The following ARSF variants were observed in gnomAD, a reference collection of about 807,000 sequenced individuals.
ARSF encodes the protein arylsulfatase F.
In ARSF, 33 loss-of-function variants were observed where a neutral mutation model predicts 35.4. The observed-to-expected ratio is 0.93, with a 90% confidence interval of 0.71 to 1.25. The LOEUF (loss-of-function observed/expected upper bound fraction) is 1.25, where lower values mean the gene tolerates loss of function less well. Ranked by LOEUF, ARSF falls within the 50% of genes most tolerant of loss-of-function variation. ARSF has a pLI of 0.00. For missense variants in ARSF, 501 were observed against 480.2 expected (o/e 1.04, Z -0.40); for synonymous variants, 222 against 193.1 (o/e 1.15, Z -1.24).
intron 1 of ARSF, among the ~76,000 whole-genome samples, chrX:3,046,157 A>T (rs777649724): frequency 9.0e-6 from 1 of 111,705 alleles, no homozygotes; most frequent in African/African-American, 3.2e-5. Flanking sequence ...GAGTGCTGAG[A>T]TTACAGGCGT....
chrX:3,073,840 A>G (rs917997746), intron 3 of ARSF, among the ~76,000 whole-genome samples: 32 of 106,718 alleles, frequency 3.0e-4, no homozygotes, highest in African/African-American at 1.0e-3. Context: ...TTGGTGAGCC[A>G]ATAGATTCTT....
intron 1 of ARSF, among the ~76,000 whole-genome samples, chrX:3,052,915 A>T (rs960127635): frequency 1.8e-5 from 2 of 111,340 alleles, no homozygotes; most frequent in Non-Finnish European, 3.8e-5. Context: ...TAACTTGTCT[A>T]TCAAGGAAAT....
rs953068471 is a variant in ARSF at position 3,045,019 on chromosome X, T to A, written c.-29+3356T>A. Among the ~76,000 whole-genome samples, 6 of 111,495 alleles carry A rather than the reference T, an allele frequency of 5.4e-5. No individual in the cohort carries two copies. The Admixed American group carries it at 5.8e-4, about 11-fold the overall frequency. On this transcript the variant is annotated intron_variant, in intron 1 of 10. Transcript: ENST00000381127. Reference sequence around the variant, plus strand: ...GAGTTGGAATAGTAGGAGAGTAAGATGTATTTTTGGTGAGGTTTATAAAAA... The same window carrying A: ...GAGTTGGAATAGTAGGAGAGTAAGAAGTATTTTTGGTGAGGTTTATAAAAA...
chrX:3,076,793 C>T (rs934024875), intron 4 of ARSF, 124 bp downstream of exon 4: 207 of 1,001,000 alleles, frequency 2.1e-4, no homozygotes, highest in Non-Finnish European at 2.4e-4. Flanking sequence ...GCCTGTAATC[C>T]CAGAACTTCG....
intron 1 of ARSF, among the ~76,000 whole-genome samples, chrX:3,041,891 A>C (rs1279246877): frequency 8.9e-6 from 1 of 112,360 alleles, no homozygotes; most frequent in Non-Finnish European, 1.9e-5. Flanking sequence ...GACTTACATA[A>C]ATCTTTAATA....
At chrX:3,109,057 C>T (rs1041119160) in intron 9 of ARSF, among the ~76,000 whole-genome samples, 4 of 111,310 alleles carry the variant, frequency 3.6e-5, no homozygotes, top group Non-Finnish European at 7.5e-5. Flanking sequence ...CGGTGGCTCA[C>T]GCTTATAATC....
intron 8 of ARSF, 105 bp downstream of exon 8, chrX:3,101,326 C>T: frequency 9.6e-6 from 9 of 942,264 alleles, no homozygotes; most frequent in Non-Finnish European, 1.3e-5. Context: ...AAAAACTGAA[C>T]AAGTTTGTTT....
intron 8 of ARSF, among the ~76,000 whole-genome samples, chrX:3,102,078 G>A (rs2090380170): frequency 9.0e-6 from 1 of 111,086 alleles, no homozygotes; most frequent in Non-Finnish European, 1.9e-5. Context: ...ACTAAAGTGT[G>A]CACTTAGGAC....
chrX:3,101,158 G>A lies in ARSF; in HGVS notation c.1039G>A (p.Gly347Arg), dbSNP rs867180334. Residue 347 changes from glycine to arginine, a missense_variant, in exon 8 of 11, where the codon GGA becomes AGA. Gly to Arg is a moderately radical substitution (Grantham distance 125). Coordinates refer to ENST00000381127, the MANE Select transcript of ARSF (RefSeq NM_001201539.2). ...CCTTGTCTACTTTACATCAGATCAC[G>A]GAGGGCATTTGGAAGCTAGGCGAGG... Reference protein sequence around the residue: ...NTLVYFTSDHGGHLEARRGHA... With the variant: ...NTLVYFTSDHRGHLEARRGHA... The A allele has an allele frequency of 1.3e-5, 16 of 1,211,064 alleles. No individual in the cohort carries two copies. In the Middle Eastern group the frequency reaches 1.6e-3, roughly 122 times the overall value.
intron 5 of ARSF, among the ~76,000 whole-genome samples, chrX:3,082,210 G>A (rs1160919139): frequency 1.8e-5 from 2 of 111,881 alleles, no homozygotes; most frequent in African/African-American, 6.5e-5. Context: ...TACTGAATAA[G>A]TCCCTTACTT....
Position 3,058,458 on chromosome X carries a change from G to A in ARSF, c.-28-9615G>A, listed in dbSNP as rs1229221589. The A allele has an allele frequency of 8.9e-5, 21 of 235,293 alleles. No individual in the cohort carries two copies. In the South Asian group the frequency reaches 9.1e-4, roughly 10 times the overall value. 19.4% of individuals were successfully genotyped at this position (235,293 alleles called of 1,213,427 possible). ...TAGCCCAGAACTTCTGGGCCGAAGCGATCCCCCACCTCAGTCTCCTGAGTA... is the reference window on the plus strand; with the variant it reads ...TAGCCCAGAACTTCTGGGCCGAAGCAATCCCCCACCTCAGTCTCCTGAGTA... On this transcript the variant is annotated intron_variant, in intron 1 of 10. Transcript: ENST00000381127.
Position 3,112,253 on chromosome X carries a change from A to T in ARSF, c.1470A>T (p.Leu490Phe). 8.3e-7 allele frequency: 1 copy of T among 1,210,566 alleles called. No individual in the cohort carries two copies. The highest frequency in any genetic ancestry group is 1.1e-6 in the Non-Finnish European group (1 of 894,941). The change falls in exon 11 of 11, where the codon TTA becomes TTT. Residue 490 changes from leucine to phenylalanine, a missense_variant. Physicochemically the swap from Leu to Phe is conservative, Grantham distance 22 (BLOSUM62 0). Coordinates refer to ENST00000381127, the MANE Select transcript of ARSF (RefSeq NM_001201539.2). ...PASGGCYVTS[L>F]CRCFGEQVTY... is the part of the protein sequence containing the mutation. Reference sequence around the variant, plus strand: ...CTGGTGGCTGCTATGTCACCTCATTATGCAGATGTTTCGGAGAACAGGTTA... The same window carrying T: ...CTGGTGGCTGCTATGTCACCTCATTTTGCAGATGTTTCGGAGAACAGGTTA...
intron 7 of ARSF, among the ~76,000 whole-genome samples, chrX:3,096,193 G>A (rs2090337340): frequency 9.1e-6 from 1 of 109,612 alleles, no homozygotes; most frequent in African/African-American, 3.3e-5. Flanking sequence ...GAAGTCTACA[G>A]TGTTTCTCTG....
At chrX:3,106,276 G>A (rs1166319022) in intron 9 of ARSF, among the ~76,000 whole-genome samples, 4 of 111,948 alleles carry the variant, frequency 3.6e-5, no homozygotes, top group African/African-American at 1.3e-4. Context: ...TCAGCTTCAC[G>A]TACAGGTCGG....
intron 6 of ARSF, among the ~76,000 whole-genome samples, chrX:3,086,596 A>G (rs1220530638): frequency 5.4e-5 from 6 of 111,660 alleles, no homozygotes; most frequent in Non-Finnish European, 1.1e-4. Context: ...GTAAGCGATC[A>G]CTTAAGTTCT....
chrX:3,093,747 G>C (rs1475633782), intron 7 of ARSF, among the ~76,000 whole-genome samples: 2 of 111,663 alleles, frequency 1.8e-5, no homozygotes, highest in Non-Finnish European at 3.8e-5. Flanking sequence ...CCTTTGGGTA[G>C]ACACCCAGTA....
chrX:3,071,396 C>T (rs970998456), intron 2 of ARSF, among the ~76,000 whole-genome samples: 10 of 110,520 alleles, frequency 9.0e-5, no homozygotes, highest in African/African-American at 2.3e-4. Flanking sequence ...CTCCGCCTCC[C>T]GGGTTCAAGT....
At chrX:3,093,673 G>C (rs1007604096) in intron 7 of ARSF, among the ~76,000 whole-genome samples, 1 of 111,658 alleles carries the variant, frequency 9.0e-6, no homozygotes, top group Non-Finnish European at 1.9e-5. Flanking sequence ...CTATGTCTTT[G>C]CTATTGTGAA....
chrX:3,100,517 A>G (rs1329510022), intron 7 of ARSF, among the ~76,000 whole-genome samples: 2 of 112,904 alleles, frequency 1.8e-5, no homozygotes, highest in African/African-American at 6.4e-5. Context: ...ACTGATGTTC[A>G]TTTGTATTGC....
Sources: allele counts gnomAD v4.1 joint callset (sites outside exome capture counted in the v4.1 genomes callset), GRCh38; gene constraint gnomAD v4.1.1; transcripts MANE v1.5; gene names NCBI Gene and HGNC (gene_info 2026-07-23, HGNC 2026-07-21).